The following GNAQ variants were observed in gnomAD, a reference collection of about 807,000 sequenced individuals.
The protein encoded by GNAQ is guanine nucleotide-binding protein G(q) subunit alpha.
A neutral mutation model predicts 43.9 loss-of-function variants in GNAQ; 8 were observed. That is an observed-to-expected ratio of 0.18 (90% CI 0.11 to 0.33). The LOEUF (loss-of-function observed/expected upper bound fraction) is 0.33. Among genes scored for constraint, GNAQ ranks in the 10% least tolerant of loss-of-function variants. GNAQ has a pLI of 1.00. For synonymous variants in GNAQ, 155 were observed against 170.7 expected (o/e 0.91, Z 0.71); for missense variants, 158 against 450.8 (o/e 0.35, Z 5.88).
At chr9:77,946,015 A>T (rs930848942) in intron 1 of GNAQ, among the ~76,000 whole-genome samples, 2 of 152,184 alleles carry the variant, frequency 1.3e-5, no homozygotes, top group Non-Finnish European at 2.9e-5. Context: ...TGCTACTTTA[A>T]GTGGAGGACG....
At chr9:77,889,328 G>A (rs1365566921) in intron 2 of GNAQ, among the ~76,000 whole-genome samples, 1 of 148,012 alleles carries the variant, frequency 6.8e-6, no homozygotes. Flanking sequence ...GGAGGACTGC[G>A]TGAGCCTGGG....
At chr9:77,961,815 C>T (rs1266095128) in intron 1 of GNAQ, among the ~76,000 whole-genome samples, 1 of 152,130 alleles carries the variant, frequency 6.6e-6, no homozygotes, top group Non-Finnish European at 1.5e-5. Context: ...TTACCCAAAA[C>T]TATCAGGCAA....
chr9:77,754,490 G>C (rs1157484401), intron 5 of GNAQ, among the ~76,000 whole-genome samples: 1 of 152,146 alleles, frequency 6.6e-6, no homozygotes, highest in Non-Finnish European at 1.5e-5. Context: ...CCAGTAAACA[G>C]AGCAAAAAGG....
Position 77,866,998 on chromosome 9 carries a change from G to A in GNAQ, c.322-51228C>T, listed in dbSNP as rs1244309887. ...TAGGTAGTTACTGAGCATGAAAAATGTACCAGTTGAAAAGAGAGCTCCTTT... is the reference window on the plus strand; with the variant it reads ...TAGGTAGTTACTGAGCATGAAAAATATACCAGTTGAAAAGAGAGCTCCTTT... On this transcript the variant is annotated intron_variant, in intron 2 of 6. Transcript: ENST00000286548. Among the ~76,000 whole-genome samples the A allele has an allele frequency of 3.3e-5, 5 of 152,326 alleles. No homozygotes were observed. In the South Asian group the frequency reaches 1.0e-3, roughly 32 times the overall value.
chr9:78,024,380 G>T (rs191876914), intron 1 of GNAQ, among the ~76,000 whole-genome samples: 1 of 152,114 alleles, frequency 6.6e-6, no homozygotes, highest in African/African-American at 2.4e-5. Context: ...CACTTCTTCC[G>T]ATTACCCTCC....
intron 2 of GNAQ, among the ~76,000 whole-genome samples, chr9:77,842,360 A>G (rs10869977): frequency 0.42 from 63,337 of 152,098 alleles, 15,769 homozygotes; most frequent in Non-Finnish European, 0.56. Flanking sequence ...TGACAGTACC[A>G]TGTGAGCAGA....
chr9:77,885,573 C>T (rs989271843), intron 2 of GNAQ, among the ~76,000 whole-genome samples: 5 of 152,122 alleles, frequency 3.3e-5, no homozygotes, highest in African/African-American at 9.7e-5. Flanking sequence ...CCAGTAGCTA[C>T]AGCATTCTAC....
At chr9:78,015,410 G>A (rs1823826630) in intron 1 of GNAQ, among the ~76,000 whole-genome samples, 1 of 152,140 alleles carries the variant, frequency 6.6e-6, no homozygotes, top group South Asian at 2.1e-4. Context: ...TACTTACATA[G>A]AGCAAAATTT....
At chr9:77,865,199 G>C (rs1043070357) in intron 2 of GNAQ, among the ~76,000 whole-genome samples, 27 of 152,140 alleles carry the variant, frequency 1.8e-4, no homozygotes, top group African/African-American at 6.5e-4. Flanking sequence ...AGGCCACTGA[G>C]GCCAATCATC....
chr9:78,007,888 T>C (rs1188926056), intron 1 of GNAQ, among the ~76,000 whole-genome samples: 1 of 152,236 alleles, frequency 6.6e-6, no homozygotes, highest in Non-Finnish European at 1.5e-5. Context: ...AGATTTAAGA[T>C]GGTGTATCCC....
intron 5 of GNAQ, among the ~76,000 whole-genome samples, chr9:77,738,952 G>A (rs1825612605): frequency 6.6e-6 from 1 of 151,626 alleles, no homozygotes; most frequent in African/African-American, 2.4e-5. Context: ...GTTTTTTTGT[G>A]TACTATTATA....
chr9:77,754,733 A>G (rs1825871423), intron 5 of GNAQ, among the ~76,000 whole-genome samples: 1 of 152,204 alleles, frequency 6.6e-6, no homozygotes, highest in Non-Finnish European at 1.5e-5. Flanking sequence ...AGACAATAAC[A>G]AATGCTGGCG....
chr9:77,815,469 A>AT, intron 3 of GNAQ, 147 bp downstream of exon 3: 1 of 500,122 alleles, frequency 2.0e-6, no homozygotes, highest in Non-Finnish European at 3.5e-6. Flanking sequence ...TGAGGTTGGC[A>AT]TAAGTTCAAT....
chr9:77,736,742 A>C lies in GNAQ; in HGVS notation c.736-8075T>G, dbSNP rs557003937. Among the ~76,000 whole-genome samples, 37 of 152,186 alleles carry C rather than the reference A, an allele frequency of 2.4e-4. 1 individual carries two copies. The South Asian group carries it at 7.5e-3, about 31-fold the overall frequency. ...GAGACTGGGGATCAAGGAGAGACAAAGGAGAGTAGAGAGCCAGAACGTGAG... is the reference window on the plus strand; with the variant it reads ...GAGACTGGGGATCAAGGAGAGACAACGGAGAGTAGAGAGCCAGAACGTGAG... On this transcript the variant is annotated intron_variant, in intron 5 of 6. Transcript: ENST00000286548.
intron 5 of GNAQ, among the ~76,000 whole-genome samples, chr9:77,792,031 A>G (rs1199038174): frequency 6.6e-6 from 1 of 150,836 alleles, no homozygotes. Flanking sequence ...AACTGGGGAA[A>G]AAAAGGGGTA....
intron 5 of GNAQ, among the ~76,000 whole-genome samples, chr9:77,779,697 AAAAAG>A (rs938446442): frequency 2.7e-5 from 4 of 150,732 alleles, no homozygotes; most frequent in African/African-American, 7.3e-5. Context: ...AAAAAAAAAA[AAAAAG>A]AGAAGGCACA....
chr9:77,858,837 C>G (rs1422232040), intron 2 of GNAQ, among the ~76,000 whole-genome samples: 1 of 152,052 alleles, frequency 6.6e-6, no homozygotes, highest in Non-Finnish European at 1.5e-5. Flanking sequence ...AGCCAAGTCT[C>G]TTCCTTCCCT....
chr9:77,812,857 C>T (rs957786701), intron 3 of GNAQ, among the ~76,000 whole-genome samples: 10 of 151,618 alleles, frequency 6.6e-5, no homozygotes, highest in African/African-American at 1.9e-4. Flanking sequence ...ATTTAGGTGA[C>T]GTATGTCTAC....
At chr9:78,006,780 A>T (rs1435587927) in intron 1 of GNAQ, among the ~76,000 whole-genome samples, 1 of 152,230 alleles carries the variant, frequency 6.6e-6, no homozygotes, top group East Asian at 1.9e-4. Context: ...AGATTTTGCA[A>T]TGTAATGCAC....
Sources: gnomAD v4.1 joint callset for allele counts (sites outside exome capture counted in the v4.1 genomes callset) on GRCh38, gnomAD v4.1.1 for gene constraint, MANE v1.5 for transcripts, NCBI Gene and HGNC (gene_info 2026-07-23, HGNC 2026-07-21) for gene names.